Variants in SLC39A14 observed in about 807,000 individuals in gnomAD.
The protein encoded by SLC39A14 is solute carrier family 39 member 14, also known as metal cation symporter ZIP14.
In SLC39A14, 19 loss-of-function variants were observed where a neutral mutation model predicts 45.5. That is an observed-to-expected ratio of 0.42 (90% confidence interval 0.29 to 0.61). The LOEUF (loss-of-function observed/expected upper bound fraction) is 0.61. Among genes scored for constraint, SLC39A14 ranks in the 20% least tolerant of loss-of-function variants. The pLI is 0.22. For missense variants in SLC39A14, 447 were observed against 616.5 expected (o/e 0.73, Z 2.91); for synonymous variants, 264 against 251.3 (o/e 1.05, Z -0.48).
At chr8:22,432,106 G>A (rs537347929) in intron 8 of SLC39A14, among the ~76,000 whole-genome samples, 19 of 152,288 alleles carry the variant, frequency 1.2e-4, no homozygotes, top group Middle Eastern at 3.4e-3. Context: ...CAAGGTGGGA[G>A]GATCGCTTTA....
chr8:22,416,879 TAGTG>T (rs1835917932), intron 7 of SLC39A14, among the ~76,000 whole-genome samples: 1 of 152,104 alleles, frequency 6.6e-6, no homozygotes, highest in Non-Finnish European at 1.5e-5. Flanking sequence ...TTTAGAATAA[TAGTG>T]AGGATTAAAG....
chr8:22,385,594 G>C (rs1468955513), intron 1 of SLC39A14, among the ~76,000 whole-genome samples: 3 of 152,188 alleles, frequency 2.0e-5, no homozygotes. Flanking sequence ...GGGAAGAAGG[G>C]CCTGGGTGGC....
intron 3 of SLC39A14, chr8:22,409,814 A>C (rs1320037425): frequency 3.0e-5 from 26 of 871,186 alleles, no homozygotes; most frequent in Non-Finnish European, 4.0e-5. Flanking sequence ...GGACTCAGCA[A>C]ATGTTTACTG....
At chr8:22,394,641 G>A (rs1834278947) in intron 1 of SLC39A14, among the ~76,000 whole-genome samples, 1 of 152,098 alleles carries the variant, frequency 6.6e-6, no homozygotes, top group South Asian at 2.1e-4. Flanking sequence ...TTTCTTATAG[G>A]AAGGGTTTTA....
rs1009284308 is a variant in SLC39A14, at chr8:22,396,410, A to G, written c.-15-8286A>G. Among the ~76,000 whole-genome samples, 23 of 4,442 alleles carry G rather than the reference A, an allele frequency of 5.2e-3. 1 individual carries two copies. Among genetic ancestry groups the G allele is most frequent in the East Asian group, 0.067 (2 of 30 alleles). 2.9% of individuals were successfully genotyped at this position (4,442 alleles called of 152,430 possible). A position where few individuals can be genotyped will look rare whatever the true frequency, so the allele number is the denominator to read the frequency against. On this transcript the variant is annotated intron_variant, in intron 1 of 8. Coordinates refer to ENST00000381237, the MANE Select transcript of SLC39A14 (RefSeq NM_001128431.4). ...TAGAGAGAGAGAGAGAGAGAGAGAGAGAGGGGGGGGGGAGAGAGAGAGAGA... is the reference window on the plus strand; with the variant it reads ...TAGAGAGAGAGAGAGAGAGAGAGAGGGAGGGGGGGGGGAGAGAGAGAGAGA...
chr8:22,422,702 T>A lies in SLC39A14; in HGVS notation c.*3004T>A. On this transcript the variant is annotated 3_prime_UTR_variant, in exon 9 of 9. Transcript: ENST00000381237. ...TGTTGAGAATCCCACGGGTGATCAT[T>A]TGCAATAAATGTGGATGTAATGAAG... 1.0e-6 allele frequency: 1 copy of A among 985,302 alleles called. No individual in the cohort carries two copies. The highest frequency in any genetic ancestry group is 1.2e-6 in the Non-Finnish European group (1 of 829,816). The allele number at this position is 985,302 out of a possible 1,614,324, so 61.0% of individuals were successfully genotyped here. A position where few individuals can be genotyped will look rare whatever the true frequency, so the allele number is the denominator to read the frequency against.
intron 1 of SLC39A14, among the ~76,000 whole-genome samples, chr8:22,376,567 C>CTGT (rs538556808): frequency 6.6e-6 from 1 of 151,882 alleles, no homozygotes; most frequent in Non-Finnish European, 1.5e-5. Flanking sequence ...GGTGGGTTTT[C>CTGT]TGTTGTTGTT....
chr8:22,421,387 A>T lies in SLC39A14; in HGVS notation c.*1689A>T. ...AAAACTGCTGGTGATACTTTTTTTA[A>T]GTTTTGTTTTTATCTTGCCTGTTGG... On this transcript the variant is annotated 3_prime_UTR_variant, in exon 9 of 9. Coordinates refer to ENST00000381237, the MANE Select transcript of SLC39A14 (RefSeq NM_001128431.4). The T allele has an allele frequency of 1.0e-6, 1 of 985,790 alleles. No homozygotes were observed. Among genetic ancestry groups the T allele is most frequent in the Non-Finnish European group, 1.2e-6 (1 of 829,904 alleles). The allele number at this position is 985,790 out of a possible 1,614,324, so 61.1% of individuals were successfully genotyped here. A position where few individuals can be genotyped will look rare whatever the true frequency, so the allele number is the denominator to read the frequency against.
rs1291679229 is a variant in SLC39A14 at position 22,367,635 on chromosome 8, G to A, written c.-16+227G>A. 6.6e-6 allele frequency: 1 copy of A among 152,338 alleles called. No homozygotes were observed. The highest frequency in any genetic ancestry group is 1.5e-5 in the Non-Finnish European group (1 of 68,124). The allele number at this position is 152,338 out of a possible 1,614,324, so 9.4% of individuals were successfully genotyped here. ...CGGCCTGTCCGCCTGGAGGGTGCGG[G>A]ATGCTAGAGCCGCAGAAGGGTGCCC... On this transcript the variant is annotated intron_variant, in intron 1 of 8. Coordinates refer to ENST00000381237, the MANE Select transcript of SLC39A14 (RefSeq NM_001128431.4). The surrounding 1 kb of genome is among the most constrained non-coding windows in gnomAD (Gnocchi z 4.2).
intron 1 of SLC39A14, among the ~76,000 whole-genome samples, chr8:22,373,169 A>C (rs970146253): frequency 2.0e-5 from 3 of 151,918 alleles, no homozygotes; most frequent in African/African-American, 7.3e-5. Flanking sequence ...AGGCTGAGGC[A>C]GGAGAATCGC....
chr8:22,395,472 C>T (rs55726237), intron 1 of SLC39A14, among the ~76,000 whole-genome samples: 37,207 of 152,146 alleles, frequency 0.24, 5,210 homozygotes, highest in East Asian at 0.49. Context: ...GAACACCAAG[C>T]ATATAGGAGT....
chr8:22,410,195 G>A, intron 3 of SLC39A14: 2 of 1,471,128 alleles, frequency 1.4e-6, no homozygotes, highest in Non-Finnish European at 1.9e-6. Flanking sequence ...CCTACCCTGG[G>A]CTCCAAGGCA....
intron 1 of SLC39A14, among the ~76,000 whole-genome samples, chr8:22,372,745 A>G (rs967134398): frequency 2.6e-5 from 4 of 152,024 alleles, no homozygotes; most frequent in Non-Finnish European, 1.5e-5. Context: ...GACCCCTTAC[A>G]TTGTCTTTTG....
Position 22,396,597 on chromosome 8 carries a change from A to G in SLC39A14, c.-15-8099A>G, listed in dbSNP as rs201865129. ...GAGAGAGAGAGAGAGAGAGAGAGAG[A>G]GAAGACTAAGTGGAATTTGGAATTG... On this transcript the variant is annotated intron_variant, in intron 1 of 8. Transcript: ENST00000381237. Among the ~76,000 whole-genome samples the G allele has an allele frequency of 8.6e-5, 5 of 58,218 alleles. 1 individual carries two copies. The highest frequency in any genetic ancestry group is 1.4e-4 in the Non-Finnish European group (4 of 27,670). The allele number at this position is 58,218 out of a possible 152,430, so 38.2% of individuals were successfully genotyped here.
intron 1 of SLC39A14, among the ~76,000 whole-genome samples, chr8:22,377,912 C>T (rs1291406442): frequency 6.6e-6 from 1 of 152,224 alleles, no homozygotes; most frequent in Non-Finnish European, 1.5e-5. Flanking sequence ...TCTGTGCCCG[C>T]TCGGCTATGC....
intron 8 of SLC39A14, among the ~76,000 whole-genome samples, chr8:22,432,604 G>C (rs992905241): frequency 6.6e-6 from 1 of 150,688 alleles, no homozygotes; most frequent in Non-Finnish European, 1.5e-5. Flanking sequence ...TCGGCCTCCC[G>C]AGTAGCTGGG....
intron 8 of SLC39A14, among the ~76,000 whole-genome samples, chr8:22,428,134 C>A (rs1396888556): frequency 6.6e-6 from 1 of 151,522 alleles, no homozygotes; most frequent in Non-Finnish European, 1.5e-5. Context: ...CCCCTGTCTA[C>A]GAAAAATACA....
In SLC39A14 at chr8:22,422,653, A is replaced by G. The variant is rs1025771896; in HGVS notation, c.*2955A>G. ...GTAAATGTTTTATTTGTAAGATTCT[A>G]TAAATAAAGCTATATTCTGTAATTG... On this transcript the variant is annotated 3_prime_UTR_variant, in exon 9 of 9. Coordinates refer to ENST00000381237, the MANE Select transcript of SLC39A14 (RefSeq NM_001128431.4). 2.1e-4 allele frequency: 211 copies of G among 983,718 alleles called. No individual in the cohort carries two copies. Among genetic ancestry groups the G allele is most frequent in the Non-Finnish European group, 2.5e-4 (203 of 828,448 alleles). 60.9% of individuals were successfully genotyped at this position (983,718 alleles called of 1,614,324 possible).
intron 1 of SLC39A14, among the ~76,000 whole-genome samples, chr8:22,371,545 G>T (rs929261077): frequency 3.9e-4 from 55 of 141,202 alleles, no homozygotes; most frequent in Admixed American, 6.1e-4. Flanking sequence ...GCAATTCTCT[G>T]CCCCAGCCTC....
Sources: allele counts gnomAD v4.1 joint callset (sites outside exome capture counted in the v4.1 genomes callset), GRCh38; gene constraint gnomAD v4.1.1; non-coding constraint Gnocchi (gnomAD v3.1); transcripts MANE v1.5; gene names NCBI Gene and HGNC (gene_info 2026-07-23, HGNC 2026-07-21).